The following WWP1 variants were observed in gnomAD, a reference collection of about 807,000 sequenced individuals.
WWP1 encodes the protein NEDD4-like E3 ubiquitin-protein ligase WWP1.
Under a neutral mutation model 130.6 loss-of-function variants are expected in WWP1, and 49 were observed. The ratio of observed to expected loss-of-function variants is 0.38; its 90% CI spans 0.30 to 0.48. WWP1 has a LOEUF of 0.48. WWP1 is among the 20% of genes least tolerant of loss of function. The pLI, the probability that WWP1 is intolerant of heterozygous loss-of-function variation, is 0.99. For missense variants in WWP1, 809 were observed against 1,100.6 expected, an observed-to-expected ratio of 0.74 and a Z score of 3.75; for synonymous variants, 332 against 367.8, an observed-to-expected ratio of 0.90 and a Z score of 1.11.
intron 24 of WWP1, among the ~76,000 whole-genome samples, chr8:86,465,751 AT>A (rs1017239513): frequency 2.6e-5 from 4 of 151,824 alleles, no homozygotes; most frequent in Non-Finnish European, 4.4e-5. Flanking sequence ...TTAAAAAATA[AT>A]TTTTTTTTCT....
At position 86,424,048 on chromosome 8, in the gene WWP1, C is replaced by T. The variant is rs554578554; in HGVS notation, c.1062-1175C>T. On this transcript the variant is annotated intron_variant, in intron 9 of 24. Transcript: ENST00000517970. ...GCGGAGACGCTCCTCACTTCCCAGA[C>T]GGGGCGGCTGCCGGGCGGAGGGGCT... 7.7e-3 allele frequency among the ~76,000 whole-genome samples: 1,042 copies of T among 136,024 alleles called. 8 individuals are homozygous for T. The highest frequency in any genetic ancestry group is 0.019 in the Middle Eastern group (5 of 260). 89.2% of individuals were successfully genotyped at this position (136,024 alleles called of 152,430 possible).
At chr8:86,364,283 A>G (rs529046145) in intron 1 of WWP1, among the ~76,000 whole-genome samples, 2 of 152,300 alleles carry the variant, frequency 1.3e-5, no homozygotes, top group South Asian at 4.1e-4. Flanking sequence ...AGTTTAGAGT[A>G]GGTGGGTCAT....
At chr8:86,349,356 A>T (rs548780625) in intron 1 of WWP1, among the ~76,000 whole-genome samples, 132 of 152,340 alleles carry the variant, frequency 8.7e-4, no homozygotes, top group African/African-American at 3.1e-3. Context: ...CTTGTAAGGG[A>T]TACAGTATCA....
At chr8:86,353,039 T>C (rs1456706426) in intron 1 of WWP1, among the ~76,000 whole-genome samples, 1 of 152,186 alleles carries the variant, frequency 6.6e-6, no homozygotes, top group Non-Finnish European at 1.5e-5. Context: ...AAATAGAGAT[T>C]TTTGACTGAA....
chr8:86,353,594 G>A (rs187346744), intron 1 of WWP1, among the ~76,000 whole-genome samples: 5 of 152,194 alleles, frequency 3.3e-5, no homozygotes, highest in Admixed American at 2.0e-4. Flanking sequence ...CTGGGTTCAC[G>A]CAATTCTCCT....
intron 1 of WWP1, among the ~76,000 whole-genome samples, chr8:86,363,322 G>T (rs1462133025): frequency 1.3e-5 from 2 of 152,170 alleles, no homozygotes; most frequent in African/African-American, 4.8e-5. Context: ...TTTAGGGAAA[G>T]CTGGTCTGCT....
At chr8:86,406,242 G>A (rs1269651211) in intron 8 of WWP1, among the ~76,000 whole-genome samples, 1 of 152,188 alleles carries the variant, frequency 6.6e-6, no homozygotes, top group Non-Finnish European at 1.5e-5. Flanking sequence ...TTATAGGACA[G>A]TTTTGGAGGT....
At chr8:86,429,111 C>G (rs1418498539) in intron 11 of WWP1, among the ~76,000 whole-genome samples, 1 of 152,178 alleles carries the variant, frequency 6.6e-6, no homozygotes, top group Non-Finnish European at 1.5e-5. Flanking sequence ...AGGCCTGTTA[C>G]TTCGTTTATA....
chr8:86,414,140 A>G (rs1257108717), intron 9 of WWP1, among the ~76,000 whole-genome samples: 1 of 152,226 alleles, frequency 6.6e-6, no homozygotes, highest in African/African-American at 2.4e-5. Context: ...ACACATAATG[A>G]AATAAAGAAA....
chr8:86,395,101 T>C (rs1018084697), intron 5 of WWP1, among the ~76,000 whole-genome samples: 3 of 152,144 alleles, frequency 2.0e-5, no homozygotes, highest in African/African-American at 7.2e-5. Context: ...TAGTCTACAC[T>C]CTTGGGCGTA....
intron 3 of WWP1, 145 bp from the exon 4 acceptor site, chr8:86,380,581 G>A (rs776789801): frequency 1.5e-5 from 13 of 854,148 alleles, no homozygotes; most frequent in Non-Finnish European, 2.0e-5. Flanking sequence ...AGCATTATCA[G>A]TAGCCCTTTT....
chr8:86,417,802 G>A (rs927835768), intron 9 of WWP1, among the ~76,000 whole-genome samples: 12 of 152,284 alleles, frequency 7.9e-5, no homozygotes, highest in African/African-American at 2.6e-4. Flanking sequence ...TCACCACTGA[G>A]AATGGTGTCT....
chr8:86,383,894 G>A (rs375525652), intron 5 of WWP1, among the ~76,000 whole-genome samples: 137 of 152,202 alleles, frequency 9.0e-4, no homozygotes, highest in African/African-American at 3.1e-3. Flanking sequence ...CTAAGAAGTC[G>A]GTAAATTAGT....
intron 10 of WWP1, among the ~76,000 whole-genome samples, chr8:86,427,436 G>A (rs1213178422): frequency 6.6e-6 from 1 of 151,932 alleles, no homozygotes; most frequent in Non-Finnish European, 1.5e-5. Flanking sequence ...TGTAGTGCAG[G>A]ACTAAACATT....
At chr8:86,356,283 GTTAAC>G (rs2130153962) in intron 1 of WWP1, among the ~76,000 whole-genome samples, 1 of 152,120 alleles carries the variant, frequency 6.6e-6, no homozygotes, top group Non-Finnish European at 1.5e-5. Flanking sequence ...CTTTTTATAT[GTTAAC>G]TTATGTTGAT....
At chr8:86,400,203 G>A (rs566873676) in intron 7 of WWP1, among the ~76,000 whole-genome samples, 20 of 152,010 alleles carry the variant, frequency 1.3e-4, no homozygotes, top group Middle Eastern at 6.8e-3. Flanking sequence ...ATGGTGGTGC[G>A]CACCTGTAAT....
rs115969585 is a variant in WWP1, at chr8:86,352,548, G to C, written c.-115+9618G>C. Among the ~76,000 whole-genome samples, 573 of 151,904 alleles carry C rather than the reference G, an allele frequency of 3.8e-3. 1 individual carries two copies. The highest frequency in any genetic ancestry group is 0.013 in the African/African-American group (530 of 41,412). On this transcript the variant is annotated intron_variant, in intron 1 of 24. Transcript: ENST00000517970. ...CCTGCCTAATTTTTTATTTTTCTTA[G>C]AGATGGGGGTCTTACCTTATTTCCC...
intron 3 of WWP1, 111 bp from the exon 4 acceptor site, chr8:86,380,615 C>T (rs1460956619): frequency 5.8e-6 from 7 of 1,205,620 alleles, no homozygotes; most frequent in Admixed American, 3.2e-5. Flanking sequence ...ATTCTGCCAA[C>T]GAGAAGAGTT....
intron 1 of WWP1, among the ~76,000 whole-genome samples, chr8:86,358,963 A>T (rs931256510): frequency 6.6e-6 from 1 of 152,180 alleles, no homozygotes; most frequent in African/African-American, 2.4e-5. Context: ...AAAACTGGAG[A>T]GATGACACCT....
Sources: allele counts gnomAD v4.1 joint callset (sites outside exome capture counted in the v4.1 genomes callset), GRCh38; gene constraint gnomAD v4.1.1; transcripts MANE v1.5; gene names NCBI Gene and HGNC (gene_info 2026-07-23, HGNC 2026-07-21).